VAMP3: variants seen among roughly 807,000 people sequenced by gnomAD.
The protein encoded by VAMP3 is vesicle-associated membrane protein 3.
A neutral mutation model predicts 18.1 loss-of-function variants in VAMP3; 11 were observed. That is an observed-to-expected ratio of 0.61 (90% CI 0.38 to 1.00). VAMP3 has a LOEUF of 1.00. Ranked by LOEUF, VAMP3 falls within the 50% of genes least tolerant of loss-of-function variation. The pLI, the probability that VAMP3 is intolerant of heterozygous loss-of-function variation, is 0.01. For missense variants in VAMP3, 122 were observed against 127.3 expected (o/e 0.96, Z 0.20); for synonymous variants, 49 against 43.1 (o/e 1.14, Z -0.53).
Position 7,771,373 on chromosome 1 carries a change from C to T in VAMP3, c.-11C>T. 6.3e-7 allele frequency: 1 copy of T among 1,594,068 alleles called. No individual in the cohort carries two copies. Among genetic ancestry groups the T allele is most frequent in the Non-Finnish European group, 8.5e-7 (1 of 1,173,516 alleles). ...TCTCTCGTCGCCGCTGCCGCCGCCG[C>T]AGCTGCCAAAATGTGAGTGACGCTA... On this transcript the variant is annotated 5_prime_UTR_variant, in exon 1 of 5. Coordinates refer to ENST00000054666, the MANE Select transcript of VAMP3 (RefSeq NM_004781.4).
At chr1:7,775,079 T>G (rs1249279530) in intron 2 of VAMP3, among the ~76,000 whole-genome samples, 1 of 152,242 alleles carries the variant, frequency 6.6e-6, no homozygotes, top group Non-Finnish European at 1.5e-5. Context: ...TCCATTTTGA[T>G]TATAACCATC....
chr1:7,776,599 A>C (rs11121022), intron 2 of VAMP3: 53,398 of 152,164 alleles, frequency 0.35, 10,320 homozygotes, highest in South Asian at 0.45. Context: ...TTAGGGGGGA[A>C]GTCTTTCACC....
At chr1:7,774,311 C>T (rs2097053027) in intron 2 of VAMP3, among the ~76,000 whole-genome samples, 1 of 151,914 alleles carries the variant, frequency 6.6e-6, no homozygotes, top group Non-Finnish European at 1.5e-5. Flanking sequence ...CATTGTAATT[C>T]TGTCCTGCCT....
In VAMP3 at chr1:7,779,693, TTTTGACTTAGAACC is replaced by T; in HGVS notation, c.*50_*63del. On this transcript the variant is annotated 3_prime_UTR_variant, in exon 5 of 5. Coordinates refer to ENST00000054666, the MANE Select transcript of VAMP3 (RefSeq NM_004781.4). Reference sequence around the variant, plus strand: ...GCTGTTCAAGAAACCTCTTCAAGACTTTTGACTTAGAACCTGCTATATTATCAAGCTTACCTACT... The same window carrying T: ...GCTGTTCAAGAAACCTCTTCAAGACTTGCTATATTATCAAGCTTACCTACT... 1.2e-6 allele frequency: 2 copies of T among 1,613,326 alleles called. No individual in the cohort carries two copies. The highest frequency in any genetic ancestry group is 2.7e-5 in the African/African-American group (2 of 75,024).
rs536097946 is a variant in VAMP3, at chr1:7,777,462, G to A, written c.231+144G>A. The A allele has an allele frequency of 8.0e-5, 87 of 1,082,508 alleles. 1 individual carries two copies. Among genetic ancestry groups the A allele is most frequent in the South Asian group, 6.7e-4 (38 of 57,134 alleles). The allele number at this position is 1,082,508 out of a possible 1,614,324, so 67.1% of individuals were successfully genotyped here. A position where few individuals can be genotyped will look rare whatever the true frequency, so the allele number is the denominator to read the frequency against. ...GGAAATGTGGGTCCACTGTGAATCC[G>A]AAACACTGACTGCATACCCTTTCCT... On this transcript the variant is annotated intron_variant, in intron 3 of 4. Transcript: ENST00000054666.
intron 1 of VAMP3, among the ~76,000 whole-genome samples, chr1:7,772,374 T>C (rs1237647858): frequency 6.6e-6 from 1 of 152,178 alleles, no homozygotes; most frequent in East Asian, 1.9e-4. Context: ...CCCATCAGAC[T>C]GTTGTATACC....
intron 2 of VAMP3, among the ~76,000 whole-genome samples, chr1:7,775,922 T>G (rs2097054097): frequency 1.3e-5 from 2 of 152,184 alleles, no homozygotes; most frequent in Admixed American, 1.3e-4. Context: ...CCCAGCACTG[T>G]TTATTGAAAA....
chr1:7,779,126 C>T (rs965948542), intron 4 of VAMP3, among the ~76,000 whole-genome samples: 2 of 151,916 alleles, frequency 1.3e-5, no homozygotes, highest in African/African-American at 4.8e-5. Flanking sequence ...ACCCGGGAGG[C>T]GGAGCTTGCA....
intron 3 of VAMP3, 150 bp downstream of exon 3, chr1:7,777,468 C>G: frequency 9.9e-7 from 1 of 1,013,606 alleles, no homozygotes; most frequent in East Asian, 2.6e-5. Context: ...ATCCGAAACA[C>G]TGACTGCATA....
intron 3 of VAMP3, 111 bp from the exon 4 acceptor site, chr1:7,778,007 G>A: frequency 8.7e-7 from 1 of 1,153,660 alleles, no homozygotes. Flanking sequence ...ACTCCAGACT[G>A]TATGCACCTG....
At chr1:7,773,338 G>A (rs546631752) in intron 1 of VAMP3, 104 bp from the exon 2 acceptor site, 4 of 885,532 alleles carry the variant, frequency 4.5e-6, no homozygotes, top group South Asian at 1.7e-5. Flanking sequence ...TAGTTCTAAT[G>A]TAAGAGATTG....
In VAMP3 at chr1:7,777,311, A is replaced by G. The variant is rs766280350; in HGVS notation, c.224A>G (p.Asn75Ser). 4.3e-6 allele frequency: 7 copies of G among 1,611,150 alleles called. No homozygotes were observed. The highest frequency in any genetic ancestry group is 5.9e-6 in the Non-Finnish European group (7 of 1,178,588). ...TTGAAGAGGAAATATTGGTGGAAGAATTGCAAGGTAATTATCTTTTAACTG... is the reference window on the plus strand; with the variant it reads ...TTGAAGAGGAAATATTGGTGGAAGAGTTGCAAGGTAATTATCTTTTAACTG... ...AKLKRKYWWKNCKMWAIGITV... is the reference protein window; with the variant it reads ...AKLKRKYWWKSCKMWAIGITV... The change falls in exon 3 of 5, where the codon AAT (asparagine) becomes AGT (serine). Residue 75 changes from asparagine to serine, a missense_variant. Transcript: ENST00000054666.
chr1:7,777,345 A>C (rs530932808), intron 3 of VAMP3, 27 bp downstream of exon 3: 22 of 1,595,164 alleles, frequency 1.4e-5, no homozygotes, highest in South Asian at 3.4e-5. Context: ...TGACCTTTAC[A>C]TTTAACCCCC....
chr1:7,774,016 A>G (rs2097052797), intron 2 of VAMP3, among the ~76,000 whole-genome samples: 1 of 152,234 alleles, frequency 6.6e-6, no homozygotes, highest in Admixed American at 6.5e-5. Context: ...CCATTAGCTC[A>G]GCAAATCTCT....
chr1:7,779,611 TCTC>T lies in VAMP3; in HGVS notation c.284-9_284-7del, dbSNP rs373991955. 623 of 1,614,138 alleles carry T rather than the reference TCTC, an allele frequency of 3.9e-4. 5 individuals carry two copies. In the East Asian group the frequency reaches 0.011, roughly 28 times the overall value. On this transcript the variant is annotated splice_polypyrimidine_tract_variant and intron_variant, in intron 4 of 4. Coordinates refer to ENST00000054666, the MANE Select transcript of VAMP3 (RefSeq NM_004781.4). The stretch of plus-strand genomic sequence containing the variant: ...GCTGTTTCCCCTGCCTTTTTGCATC[TCTC>T]CTCCTTCTTAGTGTGGGTTGTCTCT...
rs866884490 is a variant in VAMP3, at chr1:7,777,152, T to G, written c.73-8T>G. ...TGTGCATTACTTGCTGTGATCACAC[T>G]CATCTAGGTGGTGGACATAATGCGA... On this transcript the variant is annotated splice_region_variant and splice_polypyrimidine_tract_variant and intron_variant, in intron 2 of 4. Coordinates refer to ENST00000054666, the MANE Select transcript of VAMP3 (RefSeq NM_004781.4). 1.9e-6 allele frequency: 3 copies of G among 1,598,920 alleles called. No homozygotes were observed. In the Middle Eastern group the frequency reaches 5.0e-4, roughly 266 times the overall value.
chr1:7,780,649 G>C lies in VAMP3; in HGVS notation c.*1004G>C, dbSNP rs531654007. The C allele has an allele frequency of 6.6e-6, 1 of 152,484 alleles. No homozygotes were observed. Among genetic ancestry groups the C allele is most frequent in the East Asian group, 1.9e-4 (1 of 5,328 alleles). 9.4% of individuals were successfully genotyped at this position (152,484 alleles called of 1,614,324 possible). ...TAATTATGCAAGCAACAATTCTGTA[G>C]CCTCAAGTAAGACCACCTGTGAACT... On this transcript the variant is annotated 3_prime_UTR_variant, in exon 5 of 5. Transcript: ENST00000054666.
Position 7,779,725 on chromosome 1 carries a change from T to C in VAMP3, c.*80T>C, listed in dbSNP as rs2097056163. On this transcript the variant is annotated 3_prime_UTR_variant, in exon 5 of 5. Transcript: ENST00000054666. ...TTAGAACCTGCTATATTATCAAGCTTACCTACTGTTATCTCTAAAATTTTT... is the reference window on the plus strand; with the variant it reads ...TTAGAACCTGCTATATTATCAAGCTCACCTACTGTTATCTCTAAAATTTTT... The C allele has an allele frequency of 6.3e-7, 1 of 1,577,018 alleles. No individual in the cohort carries two copies. Among genetic ancestry groups the C allele is most frequent in the Admixed American group, 1.8e-5 (1 of 54,164 alleles).
intron 2 of VAMP3, chr1:7,776,924 A>G (rs1052730937): frequency 3.3e-6 from 1 of 301,312 alleles, no homozygotes. Context: ...CTCCTGCCTC[A>G]GCCTCCTGAG....
Sources: gnomAD v4.1 joint callset for allele counts (sites outside exome capture counted in the v4.1 genomes callset) on GRCh38, gnomAD v4.1.1 for gene constraint, MANE v1.5 for transcripts, NCBI Gene and HGNC (gene_info 2026-07-23, HGNC 2026-07-21) for gene names.